The following C11orf65 variants were observed in gnomAD, a reference collection of about 807,000 sequenced individuals.
The protein encoded by C11orf65 is chromosome 11 open reading frame 65.
Under a neutral mutation model 35.3 loss-of-function variants are expected in C11orf65, and 38 were observed. The ratio of observed to expected loss-of-function variants is 1.08; its 90% CI spans 0.83 to 1.41. The LOEUF is 1.41. C11orf65 is among the 40% of genes most tolerant of loss of function. C11orf65 has a pLI of 0.00. For synonymous variants in C11orf65, 105 were observed against 114.4 expected, an observed-to-expected ratio of 0.92 and a Z score of 0.53; for missense variants, 370 against 367.1, an observed-to-expected ratio of 1.01 and a Z score of -0.06.
Position 108,310,321 on chromosome 11 carries a change from G to A in C11orf65, c.641-1250C>T, listed in dbSNP as rs2084041898. On this transcript the variant is annotated intron_variant, in intron 6 of 6. Coordinates refer to the C11orf65 transcript ENST00000525729. ...ATGGATGATCAAGAGAAAAGGTAAT[G>A]GAATTTAGAATTTTTGGTTTTTAAA... The A allele has an allele frequency of 1.9e-6, 3 of 1,611,600 alleles. No individual in the cohort carries two copies. The highest frequency in any genetic ancestry group is 1.7e-6 in the Non-Finnish European group (2 of 1,178,530).
In C11orf65 at chr11:108,354,070, A is replaced by ACACACAC. The variant is rs2089570249; in HGVS notation, c.227-18779_227-18778insGTGTGTG. Among the ~76,000 whole-genome samples the ACACACAC allele has an allele frequency of 4.6e-3, 533 of 114,940 alleles. 5 individuals carry two copies. The highest frequency in any genetic ancestry group is 0.024 in the Middle Eastern group (4 of 168). The allele number at this position is 114,940 out of a possible 152,430, so 75.4% of individuals were successfully genotyped here. A position where few individuals can be genotyped will look rare whatever the true frequency, so the allele number is the denominator to read the frequency against. On this transcript the variant is annotated intron_variant, in intron 2 of 3. Transcript: ENST00000524755. Reference sequence around the variant, plus strand: ...GTATCTAAAAAAATACACACACACAAACACACACACACACACACACACACA... The same window carrying ACACACAC: ...GTATCTAAAAAAATACACACACACAACACACACACACACACACACACACACACACACA...
At chr11:108,414,143 T>C (rs1038458452) in intron 3 of C11orf65, among the ~76,000 whole-genome samples, 1 of 151,894 alleles carries the variant, frequency 6.6e-6, no homozygotes, top group Admixed American at 6.6e-5. Flanking sequence ...TTTGAAAAGA[T>C]CAATAAAATT....
intron 3 of C11orf65, among the ~76,000 whole-genome samples, chr11:108,428,799 C>A (rs1446510670): frequency 1.3e-5 from 2 of 152,100 alleles, no homozygotes; most frequent in African/African-American, 4.8e-5. Flanking sequence ...TATCCCAGAA[C>A]TTAAAGTATT....
At position 108,461,493 on chromosome 11, in the gene C11orf65, A is replaced by G. The variant is rs982297600; in HGVS notation, c.67T>C (p.Trp23Arg). 1.9e-6 allele frequency: 3 copies of G among 1,607,940 alleles called. No homozygotes were observed. The highest frequency in any genetic ancestry group is 2.5e-6 in the Non-Finnish European group (3 of 1,176,864). ...DKAARVIQQA[W>R]KSFLNVAIFQ... ...AATAAACTCACAAGGAAACTTTTCC[A>G]GGCCTGCTGAATGACTCTGGCAGCC... is the stretch of plus-strand genomic sequence containing the variant. Residue 23 changes from tryptophan to arginine, a missense_variant, in exon 2 of 9, where the codon TGG becomes CGG. Coordinates refer to ENST00000393084, the MANE Select transcript of C11orf65 (RefSeq NM_152587.5).
chr11:108,372,441 C>T (rs1386445247), intron 2 of C11orf65, among the ~76,000 whole-genome samples: 1 of 152,232 alleles, frequency 6.6e-6, no homozygotes, highest in Non-Finnish European at 1.5e-5. Flanking sequence ...GATATGCCCG[C>T]CTCAGCACCC....
At chr11:108,310,410 A>G in intron 6 of C11orf65, 1 of 1,151,088 alleles carries the variant, frequency 8.7e-7, no homozygotes, top group Middle Eastern at 2.8e-4. Flanking sequence ...CCTGTTCCCC[A>G]TTTAAAAGAT....
At chr11:108,423,635 T>C (rs1432088553) in intron 3 of C11orf65, among the ~76,000 whole-genome samples, 3 of 152,020 alleles carry the variant, frequency 2.0e-5, no homozygotes, top group Non-Finnish European at 2.9e-5. Context: ...CCAGCAGGGG[T>C]TGACAGACAC....
chr11:108,332,322 C>T (rs1369946395), intron 3 of C11orf65, among the ~76,000 whole-genome samples: 1 of 152,022 alleles, frequency 6.6e-6, no homozygotes, highest in Non-Finnish European at 1.5e-5. Context: ...GTCCCAGCTA[C>T]TCGGGAGGCT....
chr11:108,458,929 T>C (rs1198390337), intron 2 of C11orf65, among the ~76,000 whole-genome samples: 1 of 152,194 alleles, frequency 6.6e-6, no homozygotes, highest in Non-Finnish European at 1.5e-5. Context: ...ACCTTGGTTG[T>C]CCATTAATAC....
chr11:108,338,837 A>G (rs905309450), intron 2 of C11orf65, among the ~76,000 whole-genome samples: 2 of 152,196 alleles, frequency 1.3e-5, no homozygotes, highest in African/African-American at 4.8e-5. Flanking sequence ...TTGTGTCATC[A>G]TTATGTTAAA....
rs12361146 is a variant in C11orf65, at chr11:108,414,397, C to T, written c.175-7248G>A. On this transcript the variant is annotated intron_variant, in intron 3 of 8. Transcript: ENST00000393084. The stretch of plus-strand genomic sequence containing the variant: ...AGGTCATCATTACTGATTGCATGGA[C>T]ACTAAAAAGGATAATAAACAAATTT... Among the ~76,000 whole-genome samples, 918 of 151,804 alleles carry T rather than the reference C, an allele frequency of 6.0e-3. 6 individuals are homozygous for T. Among genetic ancestry groups the T allele is most frequent in the East Asian group, 0.011 (55 of 5,172 alleles).
At chr11:108,331,816 A>T (rs975572291) in intron 3 of C11orf65, 2 of 1,565,854 alleles carry the variant, frequency 1.3e-6, no homozygotes, top group Non-Finnish European at 1.8e-6. Context: ...GTTAAGCAAA[A>T]TGAAAAATAT....
At chr11:108,432,932 T>C (rs1179729532) in intron 2 of C11orf65, among the ~76,000 whole-genome samples, 2 of 152,152 alleles carry the variant, frequency 1.3e-5, no homozygotes, top group Non-Finnish European at 2.9e-5. Flanking sequence ...GCAACAACCA[T>C]TTATTATTTC....
intron 2 of C11orf65, chr11:108,365,761 C>A (rs1376021171): frequency 1.2e-5 from 6 of 502,166 alleles, no homozygotes; most frequent in Non-Finnish European, 2.1e-5. Flanking sequence ...CGCCTGTAAT[C>A]CCAGCACTTT....
intron 6 of C11orf65, chr11:108,312,565 A>G (rs2084268009): frequency 8.7e-7 from 1 of 1,149,074 alleles, no homozygotes; most frequent in African/African-American, 1.5e-5. Flanking sequence ...TTTGTTATAG[A>G]CACTGTACAG....
chr11:108,318,576 G>C (rs1179435022), intron 6 of C11orf65, among the ~76,000 whole-genome samples: 1 of 151,614 alleles, frequency 6.6e-6, no homozygotes, highest in Non-Finnish European at 1.5e-5. Context: ...TGTAATCCAA[G>C]CTACTCGGGA....
chr11:108,444,222 G>A (rs2135547439), intron 2 of C11orf65, among the ~76,000 whole-genome samples: 1 of 152,218 alleles, frequency 6.6e-6, no homozygotes, highest in East Asian at 1.9e-4. Flanking sequence ...AAATCTAGAA[G>A]AAATGGATAA....
At position 108,424,290 on chromosome 11, in the gene C11orf65, G is replaced by A. The variant is rs149008235; in HGVS notation, c.174+7456C>T. Reference sequence around the variant, plus strand: ...GTATCAATAGCTGAATTGATCAAGCGGAAGAAAGGACATCAGAGATTGAAG... The same window carrying A: ...GTATCAATAGCTGAATTGATCAAGCAGAAGAAAGGACATCAGAGATTGAAG... On this transcript the variant is annotated intron_variant, in intron 3 of 8. Transcript: ENST00000393084. 1.8e-3 allele frequency among the ~76,000 whole-genome samples: 270 copies of A among 152,032 alleles called. 3 individuals are homozygous for A. The highest frequency in any genetic ancestry group is 5.7e-3 in the African/African-American group (236 of 41,446).
upstream of C11orf65, chr11:108,467,624 G>T (rs2093556646): frequency 6.6e-6 from 1 of 152,148 alleles, no homozygotes; most frequent in Non-Finnish European, 1.5e-5. Context: ...AAGTGCAGGG[G>T]ATATAGACCA....
Sources: allele counts gnomAD v4.1 joint callset (sites outside exome capture counted in the v4.1 genomes callset), GRCh38; gene constraint gnomAD v4.1.1; transcripts MANE v1.5; gene names NCBI Gene and HGNC (gene_info 2026-07-23, HGNC 2026-07-21).